The following HMGXB4 variants were observed in gnomAD, a reference collection of about 807,000 sequenced individuals.
HMGXB4 encodes the protein HMG-box containing 4.
A neutral mutation model predicts 63.9 loss-of-function variants in HMGXB4; 27 were observed. That is an observed-to-expected ratio of 0.42 (90% CI 0.31 to 0.58). The LOEUF is 0.58. Ranked by LOEUF, HMGXB4 falls within the 20% of genes least tolerant of loss-of-function variation. The pLI is 0.13. For synonymous variants in HMGXB4, 264 were observed against 265.3 expected (o/e 0.99, Z 0.05); for missense variants, 624 against 700.7 (o/e 0.89, Z 1.24).
chr22:35,276,725 A>G (rs1923935323), intron 5 of HMGXB4, among the ~76,000 whole-genome samples: 1 of 152,250 alleles, frequency 6.6e-6, no homozygotes, highest in African/African-American at 2.4e-5. Flanking sequence ...AAATTAGTAA[A>G]GGAGATCCAG....
chr22:35,270,343 A>T (rs1291385044), intron 5 of HMGXB4, among the ~76,000 whole-genome samples: 1 of 152,250 alleles, frequency 6.6e-6, no homozygotes, highest in African/African-American at 2.4e-5. Flanking sequence ...CATCACCCCC[A>T]GATGGGACCA....
At chr22:35,285,775 A>T (rs188545662) in intron 6 of HMGXB4, among the ~76,000 whole-genome samples, 1 of 152,282 alleles carries the variant, frequency 6.6e-6, no homozygotes, top group East Asian at 1.9e-4. Flanking sequence ...TAGGGAGTAG[A>T]TGGGTTACGA....
chr22:35,243,283 T>C, the HMGXB4 span, among the ~76,000 whole-genome samples: 5 of 151,992 alleles, frequency 3.3e-5, no homozygotes, highest in Non-Finnish European at 7.4e-5. Context: ...GGCAGGAGCA[T>C]TGCTTGAACC....
At position 35,294,310 on chromosome 22, in the gene HMGXB4, T is replaced by C. The variant is rs903104073; in HGVS notation, c.*659T>C. 1.3e-5 allele frequency: 2 copies of C among 152,490 alleles called. No homozygotes were observed. The highest frequency in any genetic ancestry group is 2.9e-5 in the Non-Finnish European group (2 of 68,028). 9.4% of individuals were successfully genotyped at this position (152,490 alleles called of 1,614,324 possible). On this transcript the variant is annotated 3_prime_UTR_variant, in exon 11 of 11. Coordinates refer to ENST00000216106, the MANE Select transcript of HMGXB4 (RefSeq NM_001003681.3). ...GGCCTCAACAGAGGCCAAGGAGTTC[T>C]GTGAGCCCTGGCAGCAAAAAACACC...
chr22:35,280,695 A>G (rs1456553065), intron 5 of HMGXB4, among the ~76,000 whole-genome samples: 1 of 152,168 alleles, frequency 6.6e-6, no homozygotes, highest in Non-Finnish European at 1.5e-5. Flanking sequence ...GCACTTTAAT[A>G]TGGGTTACAT....
chr22:35,263,575 G>A (rs901880070), intron 3 of HMGXB4, among the ~76,000 whole-genome samples: 6 of 152,140 alleles, frequency 3.9e-5, no homozygotes, highest in Non-Finnish European at 7.3e-5. Context: ...GGGCCACTGC[G>A]CCAGGAAAGT....
At chr22:35,245,274 G>A in the HMGXB4 span, among the ~76,000 whole-genome samples, 1 of 145,376 alleles carries the variant, frequency 6.9e-6, no homozygotes, top group Non-Finnish European at 1.5e-5. Context: ...TGGGTTTTTT[G>A]TTAGCTCTTC....
intron 1 of HMGXB4, 29 bp from the exon 2 acceptor site, chr22:35,262,294 C>T: frequency 7.9e-7 from 1 of 1,260,256 alleles, no homozygotes; most frequent in Non-Finnish European, 1.2e-6. Context: ...TTTCGCATTA[C>T]AGGAGGGTTT....
intron 7 of HMGXB4, 42 bp from the exon 8 acceptor site, chr22:35,287,305 G>A (rs753984907): frequency 6.9e-7 from 1 of 1,448,172 alleles, no homozygotes; most frequent in Admixed American, 1.8e-5. Flanking sequence ...TTTACATTTT[G>A]TCCTTCTTAA....
intron 5 of HMGXB4, among the ~76,000 whole-genome samples, chr22:35,268,307 C>T (rs535886580): frequency 2.6e-5 from 4 of 152,272 alleles, no homozygotes; most frequent in African/African-American, 9.6e-5. Flanking sequence ...TACATTTCCC[C>T]CTTCCCTACT....
chr22:35,243,332 T>C, the HMGXB4 span, among the ~76,000 whole-genome samples: 1 of 151,488 alleles, frequency 6.6e-6, no homozygotes, highest in Admixed American at 6.6e-5. Context: ...ATCACGCCAT[T>C]GCACTCCAGC....
At chr22:35,260,839 T>C (rs1049007023) in intron 1 of HMGXB4, among the ~76,000 whole-genome samples, 2 of 152,238 alleles carry the variant, frequency 1.3e-5, no homozygotes, top group Admixed American at 6.5e-5. Flanking sequence ...AATAAGTCTT[T>C]TTAATGTAAC....
intron 5 of HMGXB4, among the ~76,000 whole-genome samples, chr22:35,269,296 T>G (rs1923454662): frequency 6.6e-6 from 1 of 152,208 alleles, no homozygotes; most frequent in Non-Finnish European, 1.5e-5. Flanking sequence ...GAGAATTGCT[T>G]GAACTTGGGA....
intron 5 of HMGXB4, among the ~76,000 whole-genome samples, chr22:35,267,148 A>ATATATATAT (rs5845220): frequency 0.72 from 85,723 of 118,478 alleles, 26,671 homozygotes; most frequent in Non-Finnish European, 0.76. Context: ...GTGTGTGTGT[A>ATATATATAT]TATATAATAT....
chr22:35,269,334 T>G (rs1235853679), intron 5 of HMGXB4, among the ~76,000 whole-genome samples: 1 of 152,196 alleles, frequency 6.6e-6, no homozygotes, highest in Non-Finnish European at 1.5e-5. Context: ...GCCGAGATTG[T>G]GCCACTGTAC....
rs773301477 is a variant in HMGXB4, at chr22:35,293,673, A to G, written c.*22A>G. On this transcript the variant is annotated 3_prime_UTR_variant, in exon 11 of 11. Transcript: ENST00000216106. ...GTGACAGCAAAGAATCCTGGGACAG[A>G]AACCTTATCCTACACCATTGCTGGT... The G allele has an allele frequency of 1.9e-6, 3 of 1,585,646 alleles. No homozygotes were observed. The South Asian group carries it at 3.3e-5, about 18-fold the overall frequency.
upstream of HMGXB4, among the ~76,000 whole-genome samples, chr22:35,256,909 T>C (rs1350992931): frequency 6.6e-6 from 1 of 152,246 alleles, no homozygotes; most frequent in Non-Finnish European, 1.5e-5. Context: ...ATGACATCTC[T>C]TCCTCTCTCT....
chr22:35,274,914 C>T (rs930164245), intron 5 of HMGXB4, among the ~76,000 whole-genome samples: 1 of 152,010 alleles, frequency 6.6e-6, no homozygotes, highest in Admixed American at 6.6e-5. Context: ...CAAGTCCAGG[C>T]TCCAAAGCCA....
At chr22:35,283,074 G>A (rs560534496) in intron 5 of HMGXB4, among the ~76,000 whole-genome samples, 22 of 152,334 alleles carry the variant, frequency 1.4e-4, no homozygotes, top group Middle Eastern at 6.8e-3. Context: ...AAGTGAAGGC[G>A]TTGCATCTGA....
Sources: gnomAD v4.1 joint callset for allele counts (sites outside exome capture counted in the v4.1 genomes callset) on GRCh38, gnomAD v4.1.1 for gene constraint, MANE v1.5 for transcripts, NCBI Gene and HGNC (gene_info 2026-07-23, HGNC 2026-07-21) for gene names.